The following PXDN variants were observed in gnomAD, a reference collection of about 807,000 sequenced individuals.
The protein encoded by PXDN is peroxidasin.
PXDN carries 77 observed loss-of-function variants against 140.3 expected under a neutral mutation model. That is an observed-to-expected ratio of 0.55 (90% CI 0.46 to 0.66). The LOEUF (loss-of-function observed/expected upper bound fraction) is 0.66, where lower values mean the gene tolerates loss of function less well. Among genes scored for constraint, PXDN ranks in the 30% least tolerant of loss-of-function variants. The pLI is 0.00. For synonymous variants in PXDN, 911 were observed against 857.4 expected (o/e 1.06, Z -1.09); for missense variants, 1,838 against 2,039.5 (o/e 0.90, Z 1.90).
chr2:1,638,771 A>G, intron 21 of PXDN, 75 bp downstream of exon 21: 1 of 1,592,618 alleles, frequency 6.3e-7, no homozygotes, highest in South Asian at 1.1e-5. Context: ...AAAATGCTAT[A>G]CCCAGAAGGT....
chr2:1,663,516 G>A, intron 12 of PXDN, 89 bp downstream of exon 12: 2 of 1,523,562 alleles, frequency 1.3e-6, no homozygotes, highest in Non-Finnish European at 1.8e-6. Context: ...TTATAACGAA[G>A]AGTAACACTA....
chr2:1,729,528 C>T (rs1201946727), intron 1 of PXDN, among the ~76,000 whole-genome samples: 6 of 150,294 alleles, frequency 4.0e-5, no homozygotes, highest in African/African-American at 1.5e-4. Context: ...ATCCCTGGTG[C>T]AGATCAAAAC....
intron 1 of PXDN, among the ~76,000 whole-genome samples, chr2:1,715,567 G>A (rs1463002964): frequency 1.3e-5 from 2 of 152,184 alleles, no homozygotes; most frequent in Admixed American, 6.5e-5. Flanking sequence ...GGTGCCGGGC[G>A]GGTGTCGTCC....
At chr2:1,635,033 T>C (rs761002531) in intron 22 of PXDN, among the ~76,000 whole-genome samples, 12 of 152,184 alleles carry the variant, frequency 7.9e-5, no homozygotes, top group Non-Finnish European at 1.8e-4. Flanking sequence ...GGTCAGTGTT[T>C]ACCCACCAGC....
In PXDN at chr2:1,734,696, G is replaced by A. The variant is rs200860810; in HGVS notation, c.200+9560C>T. Reference sequence around the variant, plus strand: ...GTTCTGGCCAACATGGTGAAACCCCGTCTCTCCTAAAAATACAAAAATTAG... The same window carrying A: ...GTTCTGGCCAACATGGTGAAACCCCATCTCTCCTAAAAATACAAAAATTAG... On this transcript the variant is annotated intron_variant, in intron 1 of 22. Coordinates refer to ENST00000252804, the MANE Select transcript of PXDN (RefSeq NM_012293.3). 7.9e-5 allele frequency among the ~76,000 whole-genome samples: 12 copies of A among 152,164 alleles called. No individual in the cohort carries two copies. The East Asian group carries it at 1.2e-3, about 15-fold the overall frequency.
At chr2:1,735,992 T>C (rs1228378452) in intron 1 of PXDN, among the ~76,000 whole-genome samples, 1 of 152,236 alleles carries the variant, frequency 6.6e-6, no homozygotes, top group African/African-American at 2.4e-5. Context: ...CACCTTGCAC[T>C]TTTATCTTAT....
intron 1 of PXDN, among the ~76,000 whole-genome samples, chr2:1,743,687 A>AGGAGGAGGAGGAAGG (rs1685606802): frequency 1.4e-4 from 2 of 14,108 alleles, no homozygotes; most frequent in African/African-American, 3.4e-4. Context: ...GAGGAAGGGG[A>AGGAGGAGGAGGAAGG]GGAGGAGGAG....
intron 17 of PXDN, among the ~76,000 whole-genome samples, chr2:1,647,261 G>A (rs1052472711): frequency 6.6e-6 from 1 of 152,150 alleles, no homozygotes; most frequent in Admixed American, 6.5e-5. Flanking sequence ...GAAAAAAAAG[G>A]TAGTGAGTAA....
intron 1 of PXDN, among the ~76,000 whole-genome samples, chr2:1,697,438 G>A (rs115737463): frequency 0.022 from 3,409 of 152,288 alleles, 58 homozygotes; most frequent in Middle Eastern, 0.048. Context: ...AGTGCCACAT[G>A]TAAGTGCTCC....
intron 17 of PXDN, among the ~76,000 whole-genome samples, chr2:1,646,546 G>A (rs570722536): frequency 5.9e-5 from 9 of 152,294 alleles, no homozygotes; most frequent in African/African-American, 2.2e-4. Flanking sequence ...AGTAATTTAA[G>A]CGCATTATTT....
intron 1 of PXDN, among the ~76,000 whole-genome samples, chr2:1,736,358 A>G (rs1572205094): frequency 6.6e-6 from 1 of 152,166 alleles, no homozygotes; most frequent in East Asian, 1.9e-4. Flanking sequence ...AACTGGCCTG[A>G]TTTCAATACT....
At chr2:1,658,061 T>C (rs866865697) in intron 14 of PXDN, among the ~76,000 whole-genome samples, 1,301 of 89,242 alleles carry the variant, frequency 0.015, 32 homozygotes, top group East Asian at 0.024. Flanking sequence ...TCTCTCTCTC[T>C]CTCTCTCTCT....
At chr2:1,694,183 G>A (rs910186867) in intron 1 of PXDN, among the ~76,000 whole-genome samples, 3 of 152,066 alleles carry the variant, frequency 2.0e-5, no homozygotes, top group African/African-American at 7.2e-5. Flanking sequence ...GTGTCTCCCC[G>A]AAATCCACAT....
At chr2:1,642,146 A>ATG (rs1233548387) in intron 19 of PXDN, among the ~76,000 whole-genome samples, 3 of 152,044 alleles carry the variant, frequency 2.0e-5, no homozygotes, top group African/African-American at 7.2e-5. Context: ...ACTTCCATGC[A>ATG]TGTGTGTGTG....
chr2:1,719,294 G>GCCCT (rs1684964057), intron 1 of PXDN, among the ~76,000 whole-genome samples: 1 of 152,124 alleles, frequency 6.6e-6, no homozygotes. Flanking sequence ...ATGGAGAAAG[G>GCCCT]CCCTCCCCAG....
chr2:1,694,964 C>T (rs924700525), intron 1 of PXDN, among the ~76,000 whole-genome samples: 4 of 152,184 alleles, frequency 2.6e-5, no homozygotes, highest in African/African-American at 7.2e-5. Flanking sequence ...AAGGCTGTCC[C>T]GGAAGGCCGA....
At chr2:1,658,738 C>G in intron 14 of PXDN, among the ~76,000 whole-genome samples, 1 of 151,732 alleles carries the variant, frequency 6.6e-6, no homozygotes. Flanking sequence ...AGGACTGCCC[C>G]AGCCCTGTGC....
chr2:1,634,971 T>A (rs893866941), intron 22 of PXDN, among the ~76,000 whole-genome samples: 6 of 150,388 alleles, frequency 4.0e-5, no homozygotes, highest in Non-Finnish European at 8.8e-5. Flanking sequence ...TCCAGTGACC[T>A]CTGTAACACC....
chr2:1,714,651 AC>A lies in PXDN; in HGVS notation c.201-21518del, dbSNP rs141388347. On this transcript the variant is annotated intron_variant, in intron 1 of 22. Coordinates refer to ENST00000252804, the MANE Select transcript of PXDN (RefSeq NM_012293.3). The surrounding 1 kb of genome is among the most constrained non-coding windows in gnomAD (Gnocchi z 4.3). ...CAGGAATGCGGCCACAGAAGAGGCG[AC>A]CCGGTGGCTGTGGCCAAGCTCCGAT... 3.4e-3 allele frequency among the ~76,000 whole-genome samples: 513 copies of A among 152,236 alleles called. 4 individuals are homozygous for A. Among genetic ancestry groups the A allele is most frequent in the African/African-American group, 0.012 (500 of 41,542 alleles).
Sources: gnomAD v4.1 joint callset for allele counts (sites outside exome capture counted in the v4.1 genomes callset) on GRCh38, gnomAD v4.1.1 for gene constraint, Gnocchi (gnomAD v3.1) non-coding constraint, MANE v1.5 for transcripts, NCBI Gene and HGNC (gene_info 2026-07-23, HGNC 2026-07-21) for gene names.